The following MTHFD1L variants were observed in gnomAD, a reference collection of about 807,000 sequenced individuals.
MTHFD1L encodes the protein methylenetetrahydrofolate dehydrogenase (NADP+ dependent) 1 like.
In MTHFD1L, 81 loss-of-function variants were observed where a neutral mutation model predicts 119.5. The observed-to-expected ratio is 0.68, with a 90% CI of 0.57 to 0.82. The LOEUF (loss-of-function observed/expected upper bound fraction) is 0.82. Among genes scored for constraint, MTHFD1L ranks in the 40% least tolerant of loss-of-function variants. The probability of loss-of-function intolerance (pLI) is 0.00; values close to 1 mark genes in which losing one functional copy is unlikely to be tolerated. For missense variants in MTHFD1L, 1,125 were observed against 1,253.4 expected, an observed-to-expected ratio of 0.90 and a Z score of 1.55; for synonymous variants, 430 against 475.2, an observed-to-expected ratio of 0.90 and a Z score of 1.24.
At chr6:150,899,781 G>A (rs1471733864) in intron 7 of MTHFD1L, among the ~76,000 whole-genome samples, 1 of 151,916 alleles carries the variant, frequency 6.6e-6, no homozygotes, top group African/African-American at 2.4e-5. Flanking sequence ...AGACCAGCCT[G>A]ACCAACATGG....
chr6:150,903,602 T>C (rs1228717039), intron 7 of MTHFD1L, among the ~76,000 whole-genome samples: 1 of 152,016 alleles, frequency 6.6e-6, no homozygotes, highest in Non-Finnish European at 1.5e-5. Context: ...TTATTTTATT[T>C]TTGTAGAGAC....
chr6:151,007,897 T>C (rs1051245300), intron 20 of MTHFD1L, among the ~76,000 whole-genome samples: 17 of 152,250 alleles, frequency 1.1e-4, no homozygotes, highest in African/African-American at 4.1e-4. Context: ...GAAATTGTTC[T>C]GCCACTTTGT....
At chr6:150,951,425 T>TA (rs1285654943) in intron 16 of MTHFD1L, among the ~76,000 whole-genome samples, 1 of 152,254 alleles carries the variant, frequency 6.6e-6, no homozygotes, top group Non-Finnish European at 1.5e-5. Context: ...AAAACCTTGC[T>TA]ATACTAATAA....
At chr6:150,932,793 AGAAAG>A (rs1791297343) in intron 11 of MTHFD1L, among the ~76,000 whole-genome samples, 1 of 141,330 alleles carries the variant, frequency 7.1e-6, no homozygotes, top group Non-Finnish European at 1.5e-5. Flanking sequence ...AGAGAAAGGA[AGAAAG>A]GGAGGAAGAG....
intron 13 of MTHFD1L, among the ~76,000 whole-genome samples, chr6:150,939,662 G>A (rs1424687213): frequency 2.7e-5 from 4 of 148,606 alleles, no homozygotes; most frequent in Non-Finnish European, 5.9e-5. Flanking sequence ...TCTCTCTACT[G>A]CGTCAAGCTC....
intron 26 of MTHFD1L, among the ~76,000 whole-genome samples, chr6:151,038,117 C>A (rs1335482337): frequency 6.6e-6 from 1 of 152,116 alleles, no homozygotes; most frequent in Non-Finnish European, 1.5e-5. Flanking sequence ...TGAATTCTTC[C>A]TGCATGTGAG....
chr6:151,065,800 T>A (rs371606175), intron 26 of MTHFD1L, among the ~76,000 whole-genome samples: 6 of 152,212 alleles, frequency 3.9e-5, no homozygotes, highest in African/African-American at 1.4e-4. Flanking sequence ...CTGCACCACA[T>A]GCGGTGGCCG....
chr6:150,926,299 A>G lies in MTHFD1L; in HGVS notation c.1256+4A>G. ...GAAAATACGTCTTAGTTGCTGGGTA[A>G]GACACCATCTAACATCTACTTGATC... On this transcript the variant is annotated splice_donor_region_variant and intron_variant, in intron 11 of 27. Coordinates refer to ENST00000367321, the MANE Select transcript of MTHFD1L (RefSeq NM_015440.5). The surrounding 1 kb of genome is among the most constrained non-coding windows in gnomAD (Gnocchi z 4.3). 1 of 1,608,850 alleles carries G rather than the reference A, an allele frequency of 6.2e-7. No homozygotes were observed. The highest frequency in any genetic ancestry group is 8.5e-7 in the Non-Finnish European group (1 of 1,175,910).
intron 13 of MTHFD1L, among the ~76,000 whole-genome samples, chr6:150,941,331 T>C (rs1241588553): frequency 6.6e-6 from 1 of 152,180 alleles, no homozygotes; most frequent in South Asian, 2.1e-4. Flanking sequence ...AGGCGCCAGC[T>C]CTGTCGAGCG....
rs1562348409 is a variant in MTHFD1L at position 150,903,203 on chromosome 6, A to ATTCTTTTTTTTTTTTTTTTTT, written c.781-2445_781-2444insCTTTTTTTTTTTTTTTTTTTT. ...GATTGCTGGTGATATTGGCTGCAAA[A>ATTCTTTTTTTTTTTTTTTTTT]TTTTTTTTTTTTTTTTTTTTTTTTT... On this transcript the variant is annotated intron_variant, in intron 7 of 27. Coordinates refer to ENST00000367321, the MANE Select transcript of MTHFD1L (RefSeq NM_015440.5). Among the ~76,000 whole-genome samples the ATTCTTTTTTTTTTTTTTTTTT allele has an allele frequency of 4.7e-5, 4 of 85,472 alleles. 1 individual carries two copies. The highest frequency in any genetic ancestry group is 2.0e-4 in the African/African-American group (4 of 19,956). 56.1% of individuals were successfully genotyped at this position (85,472 alleles called of 152,430 possible).
At chr6:150,965,367 G>A (rs964028155) in intron 19 of MTHFD1L, among the ~76,000 whole-genome samples, 1 of 152,106 alleles carries the variant, frequency 6.6e-6, no homozygotes, top group African/African-American at 2.4e-5. Flanking sequence ...AACTTAGAAA[G>A]TCAATGTCTG....
intron 8 of MTHFD1L, among the ~76,000 whole-genome samples, chr6:150,914,431 G>A (rs1200455199): frequency 6.6e-6 from 1 of 152,224 alleles, no homozygotes; most frequent in Non-Finnish European, 1.5e-5. Context: ...GCCAAGGCAG[G>A]AGGATTGCCT....
At chr6:151,051,692 A>C (rs1789067367) in intron 26 of MTHFD1L, among the ~76,000 whole-genome samples, 1 of 152,220 alleles carries the variant, frequency 6.6e-6, no homozygotes, top group African/African-American at 2.4e-5. Context: ...AGGCATAAAC[A>C]CCTGGAGAAT....
At chr6:151,056,342 C>T (rs953304245) in intron 26 of MTHFD1L, among the ~76,000 whole-genome samples, 35 of 152,210 alleles carry the variant, frequency 2.3e-4, no homozygotes, top group East Asian at 1.9e-4. Context: ...AAGTGACTGA[C>T]GTGCTGGGCA....
chr6:151,004,451 G>T (rs2128471434), intron 20 of MTHFD1L, among the ~76,000 whole-genome samples: 1 of 152,272 alleles, frequency 6.6e-6, no homozygotes, highest in Admixed American at 6.5e-5. Flanking sequence ...GAATATCATG[G>T]ATACTACATT....
chr6:151,007,644 A>G (rs28673087), intron 20 of MTHFD1L, among the ~76,000 whole-genome samples: 2,321 of 152,270 alleles, frequency 0.015, 65 homozygotes, highest in African/African-American at 0.052. Flanking sequence ...CTGGGGCCTT[A>G]TTGTCCAGCC....
intron 20 of MTHFD1L, among the ~76,000 whole-genome samples, chr6:150,993,418 T>C (rs1170885485): frequency 6.6e-6 from 1 of 151,952 alleles, no homozygotes; most frequent in East Asian, 1.9e-4. Flanking sequence ...CCTCCCAGGC[T>C]CAAGCGATTC....
rs1353259998 is a variant in MTHFD1L at position 150,866,101 on chromosome 6, C to G, written c.227+52C>G. 3.4e-6 allele frequency: 5 copies of G among 1,472,564 alleles called. No individual in the cohort carries two copies. The Admixed American group carries it at 9.4e-5, about 28-fold the overall frequency. The allele number at this position is 1,472,564 out of a possible 1,614,324, so 91.2% of individuals were successfully genotyped here. A position where few individuals can be genotyped will look rare whatever the true frequency, so the allele number is the denominator to read the frequency against. On this transcript the variant is annotated intron_variant, in intron 1 of 27. Coordinates refer to ENST00000367321, the MANE Select transcript of MTHFD1L (RefSeq NM_015440.5). The stretch of plus-strand genomic sequence containing the variant: ...AGGTCTCCAGCGGCTGTGGCCCCGA[C>G]CCAGGGGCGGAGCGCCCGGGACCGC...
At chr6:150,928,935 A>C (rs1790526861) in intron 11 of MTHFD1L, among the ~76,000 whole-genome samples, 2 of 152,050 alleles carry the variant, frequency 1.3e-5, no homozygotes, top group African/African-American at 4.8e-5. Flanking sequence ...TTTGCTCCAC[A>C]CCTTGGTTGC....
Sources: gnomAD v4.1 joint callset for allele counts (sites outside exome capture counted in the v4.1 genomes callset) on GRCh38, gnomAD v4.1.1 for gene constraint, Gnocchi (gnomAD v3.1) non-coding constraint, MANE v1.5 for transcripts, NCBI Gene and HGNC (gene_info 2026-07-23, HGNC 2026-07-21) for gene names.